The following COL2A1 variants were observed in gnomAD, a reference collection of about 807,000 sequenced individuals.
COL2A1 encodes collagen type II alpha 1 chain.
COL2A1 carries 28 observed loss-of-function variants against 204.5 expected under a neutral mutation model. That is an observed-to-expected ratio of 0.14 (90% CI 0.10 to 0.19). COL2A1 has a LOEUF of 0.19. Ranked by LOEUF, COL2A1 falls within the 10% of genes least tolerant of loss-of-function variation. The pLI is 1.00. For synonymous variants in COL2A1, 708 were observed against 718.7 expected (o/e 0.99, Z 0.24); for missense variants, 1,388 against 2,027.5 (o/e 0.68, Z 6.06).
Position 47,987,795 on chromosome 12 carries a change from C to T in COL2A1, c.1123-86G>A, listed in dbSNP as rs923395064. On this transcript the variant is annotated intron_variant, in intron 18 of 53. Coordinates refer to ENST00000380518, the MANE Select transcript of COL2A1 (RefSeq NM_001844.5). The surrounding 1 kb of genome is among the most constrained non-coding windows in gnomAD (Gnocchi z 4.1). Reference sequence around the variant, plus strand: ...GTGGGCAATAGCTCAGGGCCAGCTGCAAGCACAGCACTAAATTATGCACAT... The same window carrying T: ...GTGGGCAATAGCTCAGGGCCAGCTGTAAGCACAGCACTAAATTATGCACAT... The T allele has an allele frequency of 8.0e-6, 8 of 995,288 alleles. No homozygotes were observed. Among genetic ancestry groups the T allele is most frequent in the African/African-American group, 4.8e-5 (3 of 62,286 alleles). The allele number at this position is 995,288 out of a possible 1,614,324, so 61.7% of individuals were successfully genotyped here.
At chr12:47,995,409 A>G (rs558448237) in intron 10 of COL2A1, 101 bp from the exon 11 acceptor site, 70 of 1,048,426 alleles carry the variant, frequency 6.7e-5, no homozygotes, top group Middle Eastern at 4.0e-4. Flanking sequence ...CAGTTCTTCT[A>G]TGAAGAAGAA....
rs985348940 is a variant in COL2A1, at chr12:47,976,974, C to G, written c.3328-55G>C. 1.3e-5 allele frequency: 20 copies of G among 1,542,764 alleles called. No homozygotes were observed. Among genetic ancestry groups the G allele is most frequent in the Non-Finnish European group, 1.7e-5 (19 of 1,132,116 alleles). On this transcript the variant is annotated intron_variant, in intron 47 of 53. Coordinates refer to ENST00000380518, the MANE Select transcript of COL2A1 (RefSeq NM_001844.5). The surrounding 1 kb of genome is among the most constrained non-coding windows in gnomAD (Gnocchi z 4.3). ...AGGTCAGGGCCAGGACAGGAGCCCC[C>G]TCCTGTCCCACCCAAGCTGAGGAAT... is the stretch of plus-strand genomic sequence containing the variant.
chr12:47,991,003 C>G (rs912647075), intron 16 of COL2A1, among the ~76,000 whole-genome samples: 6 of 152,258 alleles, frequency 3.9e-5, no homozygotes, highest in Non-Finnish European at 8.8e-5. Context: ...TACAACTCAA[C>G]TCTTCTTCCT....
intron 44 of COL2A1, 54 bp from the exon 45 acceptor site, chr12:47,977,707 C>G: frequency 6.3e-7 from 1 of 1,579,090 alleles, no homozygotes; most frequent in Non-Finnish European, 8.7e-7. Context: ...CCATCTCCCC[C>G]TCTGCTCCCC....
At chr12:47,985,701 A>G in intron 25 of COL2A1, 27 bp downstream of exon 25, 1 of 1,612,748 alleles carries the variant, frequency 6.2e-7, no homozygotes, top group African/African-American at 1.3e-5. Context: ...GTCTGAAGCC[A>G]AGGGCAACAG....
chr12:47,973,579 C>T, intron 53 of COL2A1, 26 bp from the exon 54 acceptor site: 1 of 1,613,902 alleles, frequency 6.2e-7, no homozygotes, highest in Non-Finnish European at 8.5e-7. Flanking sequence ...GGAGGAGGCT[C>T]TGTTCAGTAG....
intron 21 of COL2A1, 69 bp from the exon 22 acceptor site, chr12:47,986,957 T>C: frequency 6.2e-7 from 1 of 1,603,250 alleles, no homozygotes. Context: ...AGAACCCCTG[T>C]TCAAGATGCC....
At chr12:47,997,964 G>A (rs780503068) in intron 5 of COL2A1, 40 bp from the exon 6 acceptor site, 2 of 1,614,184 alleles carry the variant, frequency 1.2e-6, no homozygotes, top group Non-Finnish European at 1.7e-6. Flanking sequence ...GCAAGGCCAG[G>A]AGCCTGCAGA....
Position 47,993,516 on chromosome 12 carries a change from G to A in COL2A1, c.925-14C>T, listed in dbSNP as rs769972563. The A allele has an allele frequency of 5.6e-6, 9 of 1,612,658 alleles. No individual in the cohort carries two copies. The highest frequency in any genetic ancestry group is 7.6e-6 in the Non-Finnish European group (9 of 1,178,692). On this transcript the variant is annotated splice_polypyrimidine_tract_variant and intron_variant, in intron 14 of 53. Transcript: ENST00000380518. ...ACCACTCTCACCCTGGAAAAATGAT[G>A]CACAAGGTCAGTGTCTGGGACCCCA...
At chr12:47,999,649 TTTTTG>T in intron 2 of COL2A1, 1 of 196,410 alleles carries the variant, frequency 5.1e-6, no homozygotes, top group Non-Finnish European at 1.0e-5. Flanking sequence ...TTTTTTTTTT[TTTTTG>T]TAGAATCACA....
At chr12:47,977,223 G>A (rs560216071) in intron 46 of COL2A1, 68 bp from the exon 47 acceptor site, 1 of 1,591,392 alleles carries the variant, frequency 6.3e-7, no homozygotes, top group Non-Finnish European at 8.6e-7. Context: ...TGCATCTGAG[G>A]CCACTGCTCC....
In COL2A1 at chr12:47,975,609, C is replaced by T; in HGVS notation, c.3598-4G>A. On this transcript the variant is annotated splice_polypyrimidine_tract_variant and splice_region_variant and intron_variant, in intron 50 of 53. Coordinates refer to ENST00000380518, the MANE Select transcript of COL2A1 (RefSeq NM_001844.5). Reference sequence around the variant, plus strand: ...GTCCAGGATTTCCAGGAGGACCCTGCAGCAGGAAACAGAGAGATCAGCCAG... The same window carrying T: ...GTCCAGGATTTCCAGGAGGACCCTGTAGCAGGAAACAGAGAGATCAGCCAG... The T allele has an allele frequency of 6.3e-7, 1 of 1,599,184 alleles. No homozygotes were observed. Among genetic ancestry groups the T allele is most frequent in the Non-Finnish European group, 8.5e-7 (1 of 1,179,706 alleles).
intron 53 of COL2A1, 59 bp from the exon 54 acceptor site, chr12:47,973,612 C>T (rs761298149): frequency 2.3e-5 from 37 of 1,605,056 alleles, no homozygotes; most frequent in Non-Finnish European, 3.1e-5. Flanking sequence ...CCAGTTCCAG[C>T]TGCCCAGAAG....
At chr12:47,995,415 A>G in intron 10 of COL2A1, 107 bp from the exon 11 acceptor site, 1 of 1,017,994 alleles carries the variant, frequency 9.8e-7, no homozygotes, top group South Asian at 1.3e-5. Flanking sequence ...TTCTATGAAG[A>G]AGAAAGATGG....
At position 47,993,483 on chromosome 12, in the gene COL2A1, C is replaced by A; in HGVS notation, c.944G>T (p.Gly315Val). ...PGVKGESGSPGENGSPGPMGP... is the reference protein window; with the variant it reads ...PGVKGESGSPVENGSPGPMGP... The stretch of plus-strand genomic sequence containing the variant: ...CATTGGGCCCGGAGATCCGTTCTCA[C>A]CCGGGGAACCACTCTCACCCTGGAA... The change falls in exon 15 of 54, where the codon GGT becomes GTT. Residue 315 changes from glycine (G) to valine (V), a missense_variant. Gly to Val is a moderately radical substitution (Grantham distance 109). Transcript: ENST00000380518. 6.2e-7 allele frequency: 1 copy of A among 1,613,932 alleles called. No homozygotes were observed.
chr12:47,980,148 A>G lies in COL2A1; in HGVS notation c.2626-86T>C. On this transcript the variant is annotated intron_variant, in intron 39 of 53. Coordinates refer to ENST00000380518, the MANE Select transcript of COL2A1 (RefSeq NM_001844.5). This position sits in a 1 kb window ranked among gnomAD's most constrained non-coding sequence, Gnocchi z 4.5. ...TCTGAGCCCCAACAATGGACCCCTGAGGTTTTCGAAGATGCAGCTTTCTTG... is the reference window on the plus strand; with the variant it reads ...TCTGAGCCCCAACAATGGACCCCTGGGGTTTTCGAAGATGCAGCTTTCTTG... 8.0e-7 allele frequency: 1 copy of G among 1,242,310 alleles called. No homozygotes were observed. The highest frequency in any genetic ancestry group is 1.2e-6 in the Non-Finnish European group (1 of 867,252). The allele number at this position is 1,242,310 out of a possible 1,614,324, so 77.0% of individuals were successfully genotyped here.
At chr12:47,998,551 G>C in intron 2 of COL2A1, 120 bp from the exon 3 acceptor site, 2 of 1,108,738 alleles carry the variant, frequency 1.8e-6, no homozygotes, top group Non-Finnish European at 1.3e-6. Flanking sequence ...CAAGGAAGGC[G>C]GCAGCTTCCT....
Position 47,983,412 on chromosome 12 carries a change from T to G in COL2A1, c.2022A>C (p.Pro674=), listed in dbSNP as rs1161085959. The change falls in exon 31 of 54, where the codon CCA becomes CCC. Residue 674 remains proline, a synonymous_variant. Coordinates refer to ENST00000380518, the MANE Select transcript of COL2A1 (RefSeq NM_001844.5). The part of the protein sequence containing the change: ...FQGLPGPPGP[P]GEGGKPGDQG... ...GGTCACCTGGTTTTCCACCTTCACC[T>G]GGGGGACCAGGAGGGCCAGGAAGTC... 6 of 1,614,080 alleles carry G rather than the reference T, an allele frequency of 3.7e-6. No homozygotes were observed. The highest frequency in any genetic ancestry group is 5.1e-6 in the Non-Finnish European group (6 of 1,179,968).
Position 47,996,583 on chromosome 12 carries a change from C to T in COL2A1, c.574G>A (p.Gly192Ser). 1 of 1,614,220 alleles carries T rather than the reference C, an allele frequency of 6.2e-7. No individual in the cohort carries two copies. Among genetic ancestry groups the T allele is most frequent in the Non-Finnish European group, 8.5e-7 (1 of 1,180,030 alleles). ...TGCATTACTCCCAACTGGGCGCCAC[C>T]AGCCTTTTCATCAAATCCTCCAGCC... is the stretch of plus-strand genomic sequence containing the variant. ...QMAGGFDEKA[G>S]GAQLGVMQGP... Residue 192 changes from glycine to serine, a missense_variant, in exon 8 of 54, where the codon GGT becomes AGT. Transcript: ENST00000380518.
Sources: allele counts gnomAD v4.1 joint callset (sites outside exome capture counted in the v4.1 genomes callset), GRCh38; gene constraint gnomAD v4.1.1; non-coding constraint Gnocchi (gnomAD v3.1); transcripts MANE v1.5; gene names NCBI Gene and HGNC (gene_info 2026-07-23, HGNC 2026-07-21).